The following RHOT1 variants were observed in gnomAD, a reference collection of about 807,000 sequenced individuals.
RHOT1 encodes the protein mitochondrial Rho GTPase 1.
Under a neutral mutation model 95.3 loss-of-function variants are expected in RHOT1, and 27 were observed. The observed-to-expected ratio is 0.28, with a 90% CI of 0.21 to 0.39. The LOEUF is 0.39. Among genes scored for constraint, RHOT1 ranks in the 10% least tolerant of loss-of-function variants. The pLI, the probability that RHOT1 is intolerant of heterozygous loss-of-function variation, is 1.00. For missense variants in RHOT1, 578 were observed against 786.7 expected (o/e 0.73, Z 3.17); for synonymous variants, 227 against 263.5 (o/e 0.86, Z 1.34).
Position 32,176,225 on chromosome 17 carries a change from T to G in RHOT1, c.329+12T>G. Reference sequence around the variant, plus strand: ...GACAAAGACAGCAGGTATTTTTTCCTCTCTCAAACTTTTTATAATTAAAAA... The same window carrying G: ...GACAAAGACAGCAGGTATTTTTTCCGCTCTCAAACTTTTTATAATTAAAAA... On this transcript the variant is annotated intron_variant, in intron 6 of 19. Coordinates refer to ENST00000545287, the MANE Select transcript of RHOT1 (RefSeq NM_001033566.3). 1 of 1,596,848 alleles carries G rather than the reference T, an allele frequency of 6.3e-7. No individual in the cohort carries two copies. Among genetic ancestry groups the G allele is most frequent in the Non-Finnish European group, 8.6e-7 (1 of 1,169,536 alleles).
intron 1 of RHOT1, among the ~76,000 whole-genome samples, chr17:32,145,796 C>T (rs2031233602): frequency 6.6e-6 from 1 of 152,086 alleles, no homozygotes; most frequent in Non-Finnish European, 1.5e-5. Flanking sequence ...AGGTGGATCA[C>T]TTGAGGTCAG....
intron 2 of RHOT1, among the ~76,000 whole-genome samples, chr17:32,171,384 C>G (rs1598344828): frequency 6.6e-6 from 1 of 152,312 alleles, no homozygotes; most frequent in Admixed American, 6.5e-5. Context: ...CTGTGCCCTG[C>G]CAGTTGAGAC....
chr17:32,182,500 C>A (rs2035720888), intron 6 of RHOT1, among the ~76,000 whole-genome samples: 1 of 152,042 alleles, frequency 6.6e-6, no homozygotes, highest in Admixed American at 6.6e-5. Flanking sequence ...AAACAAAAAA[C>A]AAAACAGAAT....
chr17:32,188,302 A>G (rs2036208893), intron 8 of RHOT1, among the ~76,000 whole-genome samples: 1 of 152,260 alleles, frequency 6.6e-6, no homozygotes, highest in African/African-American at 2.4e-5. Context: ...GCAAATGCAA[A>G]GGAAATTTCC....
rs1335503797 is a variant in RHOT1, at chr17:32,142,565, T to C, written c.-128T>C. The C allele has an allele frequency of 2.8e-5, 20 of 720,766 alleles. No individual in the cohort carries two copies. In the South Asian group the frequency reaches 3.4e-4, roughly 12 times the overall value. The allele number at this position is 720,766 out of a possible 1,614,324, so 44.6% of individuals were successfully genotyped here. ...CCCGGCTCTCTTGCGGGGAAGCAACTGAGGGGGCGGCGCGGCGGGCCCCGG... is the reference window on the plus strand; with the variant it reads ...CCCGGCTCTCTTGCGGGGAAGCAACCGAGGGGGCGGCGCGGCGGGCCCCGG... On this transcript the variant is annotated 5_prime_UTR_variant, in exon 1 of 20. Coordinates refer to ENST00000545287, the MANE Select transcript of RHOT1 (RefSeq NM_001033566.3).
intron 1 of RHOT1, among the ~76,000 whole-genome samples, chr17:32,147,722 AG>A (rs2031580165): frequency 6.6e-6 from 1 of 151,750 alleles, no homozygotes; most frequent in African/African-American, 2.4e-5. Flanking sequence ...CAGGAGGCTG[AG>A]GCAGGAGAAT....
intron 15 of RHOT1, 31 bp from the exon 16 acceptor site, chr17:32,203,859 C>T (rs746635443): frequency 6.7e-7 from 1 of 1,497,720 alleles, no homozygotes. Flanking sequence ...CTAGTTACTG[C>T]AGATATTGAG....
chr17:32,186,209 T>C (rs2036038182), intron 8 of RHOT1, among the ~76,000 whole-genome samples: 1 of 152,116 alleles, frequency 6.6e-6, no homozygotes, highest in Non-Finnish European at 1.5e-5. Flanking sequence ...TACTTTTCTT[T>C]TTTGGTTTAT....
At chr17:32,167,777 A>G (rs1363995934) in intron 1 of RHOT1, among the ~76,000 whole-genome samples, 6 of 152,212 alleles carry the variant, frequency 3.9e-5, no homozygotes, top group Non-Finnish European at 8.8e-5. Context: ...GTTGGGTCGT[A>G]TAATACCAGC....
chr17:32,177,754 C>CAAA (rs765273097), intron 6 of RHOT1, among the ~76,000 whole-genome samples: 54 of 87,054 alleles, frequency 6.2e-4, no homozygotes, highest in African/African-American at 1.6e-3. Context: ...GACTCCGTCT[C>CAAA]AAAAAAAAAA....
intron 7 of RHOT1, 149 bp from the exon 8 acceptor site, chr17:32,183,022 A>C: frequency 1.3e-6 from 1 of 743,508 alleles, no homozygotes; most frequent in South Asian, 2.2e-5. Flanking sequence ...TGGCCTCTGA[A>C]CTCTTTCTAG....
intron 1 of RHOT1, among the ~76,000 whole-genome samples, chr17:32,150,234 G>C (rs140981828): frequency 1.3e-5 from 2 of 152,076 alleles, no homozygotes; most frequent in African/African-American, 4.8e-5. Context: ...TAAAGTAGCT[G>C]TTATTTCACT....
chr17:32,206,530 C>A (rs550448060), intron 16 of RHOT1, among the ~76,000 whole-genome samples: 50 of 133,448 alleles, frequency 3.7e-4, no homozygotes, highest in Non-Finnish European at 6.0e-4. Flanking sequence ...CTGCTCACTG[C>A]GAGCTCCGCC....
intron 16 of RHOT1, 73 bp from the exon 17 acceptor site, chr17:32,206,837 G>A (rs2037790778): frequency 1.9e-6 from 2 of 1,071,686 alleles, no homozygotes; most frequent in Middle Eastern, 3.0e-4. Context: ...AGGGAAGGAA[G>A]TAATAAGCTA....
intron 2 of RHOT1, among the ~76,000 whole-genome samples, chr17:32,172,222 A>G (rs957125256): frequency 6.6e-6 from 1 of 152,078 alleles, no homozygotes; most frequent in Non-Finnish European, 1.5e-5. Flanking sequence ...ATTTATTATT[A>G]TTTTTTGCTT....
intron 4 of RHOT1, among the ~76,000 whole-genome samples, chr17:32,175,681 C>T (rs2034944638): frequency 6.6e-6 from 1 of 152,178 alleles, no homozygotes; most frequent in African/African-American, 2.4e-5. Context: ...GTCTCAAACT[C>T]CTGCCCTCAA....
chr17:32,172,785 G>A (rs1278738561), intron 2 of RHOT1, among the ~76,000 whole-genome samples: 1 of 152,224 alleles, frequency 6.6e-6, no homozygotes, highest in South Asian at 2.1e-4. Flanking sequence ...AGCTGAGATC[G>A]TGCCATTGCA....
intron 6 of RHOT1, among the ~76,000 whole-genome samples, chr17:32,176,668 A>C (rs1296818953): frequency 6.6e-6 from 1 of 151,710 alleles, no homozygotes; most frequent in African/African-American, 2.4e-5. Context: ...CGCCTCCTGG[A>C]TTCAAGTGAT....
intron 8 of RHOT1, among the ~76,000 whole-genome samples, chr17:32,190,388 G>A (rs1478386298): frequency 2.0e-5 from 3 of 152,102 alleles, no homozygotes; most frequent in Admixed American, 6.6e-5. Context: ...CTGGGAGGCA[G>A]AGGTTGCAGT....
Sources: gnomAD v4.1 joint callset for allele counts (sites outside exome capture counted in the v4.1 genomes callset) on GRCh38, gnomAD v4.1.1 for gene constraint, MANE v1.5 for transcripts, NCBI Gene and HGNC (gene_info 2026-07-23, HGNC 2026-07-21) for gene names.